The following NKAIN3 variants were observed in gnomAD, a reference collection of about 807,000 sequenced individuals.
The protein encoded by NKAIN3 is sodium/potassium-transporting ATPase subunit beta-1-interacting protein 3.
NKAIN3 carries 25 observed loss-of-function variants against 30.2 expected under a neutral mutation model. The ratio of observed to expected loss-of-function variants is 0.83; its 90% CI spans 0.60 to 1.16. NKAIN3 has a LOEUF of 1.16. NKAIN3 is among the 50% of genes most tolerant of loss of function. NKAIN3 has a pLI of 0.00. For missense variants in NKAIN3, 225 were observed against 254.1 expected (o/e 0.89, Z 0.78); for synonymous variants, 91 against 89.6 (o/e 1.02, Z -0.09).
At chr8:62,731,209 C>T (rs1815451740) in intron 3 of NKAIN3, among the ~76,000 whole-genome samples, 1 of 148,018 alleles carries the variant, frequency 6.8e-6, no homozygotes, top group African/African-American at 2.5e-5. Flanking sequence ...TGTTTCCGAG[C>T]CATTTCAGTG....
chr8:62,713,277 G>T (rs974014811), intron 3 of NKAIN3, among the ~76,000 whole-genome samples: 1 of 152,160 alleles, frequency 6.6e-6, no homozygotes, highest in African/African-American at 2.4e-5. Context: ...TATGACAAAA[G>T]CTTGCACGTA....
intron 4 of NKAIN3, among the ~76,000 whole-genome samples, chr8:62,823,486 G>A (rs1818917154): frequency 6.6e-6 from 1 of 152,088 alleles, no homozygotes; most frequent in South Asian, 2.1e-4. Context: ...GTCAAATACA[G>A]TATTTATAAA....
At chr8:62,397,648 G>A (rs1430841286) in intron 1 of NKAIN3, among the ~76,000 whole-genome samples, 1 of 151,982 alleles carries the variant, frequency 6.6e-6, no homozygotes, top group African/African-American at 2.4e-5. Flanking sequence ...GAAAATAGAT[G>A]GTAAATTTTA....
chr8:62,494,435 G>A (rs1486693771), intron 1 of NKAIN3, among the ~76,000 whole-genome samples: 2 of 152,108 alleles, frequency 1.3e-5, no homozygotes, highest in Non-Finnish European at 2.9e-5. Flanking sequence ...ATATTTTGAG[G>A]ATTTTTGCAT....
chr8:62,807,655 C>T (rs944704361), intron 4 of NKAIN3, among the ~76,000 whole-genome samples: 1 of 149,764 alleles, frequency 6.7e-6, no homozygotes, highest in Non-Finnish European at 1.5e-5. Flanking sequence ...CGGGTTCAAG[C>T]AATTCTCCTG....
chr8:62,354,974 G>C (rs1816301063), intron 1 of NKAIN3, among the ~76,000 whole-genome samples: 1 of 152,144 alleles, frequency 6.6e-6, no homozygotes, highest in South Asian at 2.1e-4. Context: ...ACACTAGAGA[G>C]TAAGCAAGCT....
At chr8:62,320,738 C>T (rs1319619706) in intron 1 of NKAIN3, among the ~76,000 whole-genome samples, 3 of 152,128 alleles carry the variant, frequency 2.0e-5, no homozygotes, top group Admixed American at 1.3e-4. Context: ...GTGGGTATCC[C>T]GACCTTTCTC....
intron 1 of NKAIN3, among the ~76,000 whole-genome samples, chr8:62,358,258 T>TTTA (rs10957219): frequency 6.6e-6 from 1 of 150,618 alleles, no homozygotes; most frequent in Non-Finnish European, 1.5e-5. Flanking sequence ...TTTTTTTTTT[T>TTTA]AGTACTCAAA....
intron 2 of NKAIN3, among the ~76,000 whole-genome samples, chr8:62,585,475 A>G (rs1216547819): frequency 6.6e-6 from 1 of 152,160 alleles, no homozygotes; most frequent in Non-Finnish European, 1.5e-5. Flanking sequence ...GCCATTCCCA[A>G]ACTTTTTGAC....
At chr8:62,623,912 T>C (rs1427748106) in intron 3 of NKAIN3, among the ~76,000 whole-genome samples, 2 of 152,080 alleles carry the variant, frequency 1.3e-5, no homozygotes, top group South Asian at 2.1e-4. Context: ...ATTATACTTA[T>C]ACTTATTTCT....
chr8:62,319,310 G>GT (rs1200916278), intron 1 of NKAIN3, among the ~76,000 whole-genome samples: 6 of 151,860 alleles, frequency 4.0e-5, no homozygotes, highest in Admixed American at 6.6e-5. Context: ...TTTTTGAAGG[G>GT]TTTTTTGTGT....
At chr8:62,873,924 G>C (rs1232453054) in intron 4 of NKAIN3, among the ~76,000 whole-genome samples, 1 of 151,828 alleles carries the variant, frequency 6.6e-6, no homozygotes, top group Non-Finnish European at 1.5e-5. Context: ...AATTAAAAGA[G>C]CTAGCAAGGC....
chr8:62,862,319 A>T (rs1249864663), intron 4 of NKAIN3, among the ~76,000 whole-genome samples: 1 of 152,160 alleles, frequency 6.6e-6, no homozygotes, highest in Non-Finnish European at 1.5e-5. Flanking sequence ...AAAATATGGA[A>T]TCAATGAATG....
intron 1 of NKAIN3, among the ~76,000 whole-genome samples, chr8:62,345,784 A>C (rs1815985279): frequency 1.3e-5 from 2 of 151,918 alleles, no homozygotes; most frequent in East Asian, 1.9e-4. Context: ...CTAATTTTTC[A>C]GCTAGAACTT....
intron 4 of NKAIN3, among the ~76,000 whole-genome samples, chr8:62,910,041 G>A (rs1483385558): frequency 6.6e-6 from 1 of 152,006 alleles, no homozygotes; most frequent in Non-Finnish European, 1.5e-5. Flanking sequence ...ACATTTATCA[G>A]TAAGAAAATA....
At chr8:62,333,538 T>C (rs1417226598) in intron 1 of NKAIN3, among the ~76,000 whole-genome samples, 3 of 152,106 alleles carry the variant, frequency 2.0e-5, no homozygotes, top group East Asian at 3.9e-4. Context: ...AATAGTCACA[T>C]TTCTCTCGTT....
At chr8:62,329,172 A>G (rs1815250901) in intron 1 of NKAIN3, among the ~76,000 whole-genome samples, 1 of 152,030 alleles carries the variant, frequency 6.6e-6, no homozygotes, top group Non-Finnish European at 1.5e-5. Flanking sequence ...TTGCAGCCTC[A>G]TCAGTGGCCT....
chr8:62,398,034 A>G (rs1489692204), intron 1 of NKAIN3, among the ~76,000 whole-genome samples: 1 of 152,148 alleles, frequency 6.6e-6, no homozygotes, highest in Non-Finnish European at 1.5e-5. Context: ...CTGGTGGGAG[A>G]GGGGTGCAGG....
chr8:62,794,861 T>C (rs1817812918), intron 4 of NKAIN3, among the ~76,000 whole-genome samples: 1 of 152,146 alleles, frequency 6.6e-6, no homozygotes, highest in South Asian at 2.1e-4. Flanking sequence ...CAGCACTAGC[T>C]GTCTCTTGGC....
Sources: gnomAD v4.1 joint callset for allele counts (sites outside exome capture counted in the v4.1 genomes callset) on GRCh38, gnomAD v4.1.1 for gene constraint, MANE v1.5 for transcripts, NCBI Gene and HGNC (gene_info 2026-07-23, HGNC 2026-07-21) for gene names.